Variants in LHX8 observed in about 807,000 individuals in gnomAD.
LHX8 encodes LIM/homeobox protein Lhx8.
A neutral mutation model predicts 40.3 loss-of-function variants in LHX8; 12 were observed. The ratio of observed to expected loss-of-function variants is 0.30; its 90% CI spans 0.19 to 0.48. The LOEUF is 0.48. LHX8 is among the 20% of genes least tolerant of loss of function. The pLI is 0.99. For missense variants in LHX8, 344 were observed against 433.7 expected, an observed-to-expected ratio of 0.79 and a Z score of 1.84; for synonymous variants, 179 against 162.0, an observed-to-expected ratio of 1.10 and a Z score of -0.80.
At chr1:75,191,605 A>G in the LHX8 span, among the ~76,000 whole-genome samples, 1 of 152,206 alleles carries the variant, frequency 6.6e-6, no homozygotes, top group South Asian at 2.1e-4. Context: ...AAAGCCAAAA[A>G]AGGGAAAACA....
At chr1:75,155,389 C>T (rs898938304) in intron 7 of LHX8, among the ~76,000 whole-genome samples, 4 of 152,054 alleles carry the variant, frequency 2.6e-5, no homozygotes, top group East Asian at 1.9e-4. Context: ...CACCCGCCAC[C>T]ATGCCTGGCT....
At chr1:75,185,250 T>A in the LHX8 span, among the ~76,000 whole-genome samples, 7 of 151,958 alleles carry the variant, frequency 4.6e-5, no homozygotes, top group Non-Finnish European at 7.4e-5. Context: ...CCTCATCTCA[T>A]ATGAGGCCAA....
chr1:75,129,532 C>T (rs904283200), upstream of LHX8, among the ~76,000 whole-genome samples: 2 of 152,016 alleles, frequency 1.3e-5, no homozygotes, highest in Non-Finnish European at 2.9e-5. Flanking sequence ...GGGCGGTCGG[C>T]GCAGGCTTGT....
Position 75,157,090 on chromosome 1 carries a change from C to T in LHX8, c.964+14C>T, listed in dbSNP as rs1648790720. On this transcript the variant is annotated intron_variant, in intron 8 of 8. Coordinates refer to ENST00000356261, the MANE Select transcript of LHX8 (RefSeq NM_001256114.2). ...GTTATATGGATGGTAGGTATCCCAA[C>T]ATTTAACAGCTGTCTCCCAGGCAAT... is the stretch of plus-strand genomic sequence containing the variant. 6.2e-7 allele frequency: 1 copy of T among 1,613,210 alleles called. No homozygotes were observed. Among genetic ancestry groups the T allele is most frequent in the African/African-American group, 1.3e-5 (1 of 75,020 alleles).
chr1:75,149,682 G>A (rs887504761), intron 7 of LHX8, among the ~76,000 whole-genome samples: 21 of 152,134 alleles, frequency 1.4e-4, no homozygotes, highest in Admixed American at 1.3e-3. Flanking sequence ...CAAATAACTG[G>A]GACCACAGTT....
chr1:75,184,866 C>A, the LHX8 span, among the ~76,000 whole-genome samples: 1 of 143,170 alleles, frequency 7.0e-6, no homozygotes. Flanking sequence ...ATTAGCTAAA[C>A]TAATAAGAAG....
At chr1:75,142,707 T>A (rs1316048284) in intron 4 of LHX8, among the ~76,000 whole-genome samples, 1 of 152,206 alleles carries the variant, frequency 6.6e-6, no homozygotes, top group Non-Finnish European at 1.5e-5. Flanking sequence ...ATTATTTATA[T>A]CTTCAGTTTT....
intron 8 of LHX8, chr1:75,159,939 C>G (rs1456737450): frequency 3.9e-5 from 6 of 152,228 alleles, no homozygotes; most frequent in Non-Finnish European, 1.5e-5. Context: ...ACAAATGAAT[C>G]CCTGTTTTGT....
rs376772505 is a variant in LHX8, at chr1:75,136,633, C to A, written c.19C>A (p.Arg7=). The A allele has an allele frequency of 1.3e-6, 2 of 1,549,654 alleles. No homozygotes were observed. Among genetic ancestry groups the A allele is most frequent in the South Asian group, 1.2e-5 (1 of 84,060 alleles). Residue 7 remains arginine (R), a synonymous_variant, in exon 2 of 9, where the codon CGG becomes AGG. Coordinates refer to ENST00000356261, the MANE Select transcript of LHX8 (RefSeq NM_001256114.2). ...GGGGCTCATGTCAGAGGAGTGCGGG[C>A]GGACTACAGCCCTGGCGGCCGGGAG... The part of the protein sequence containing the change: MSEECG[R]TTALAAGRTR...
chr1:75,178,664 C>CT, the LHX8 span, among the ~76,000 whole-genome samples: 1 of 152,150 alleles, frequency 6.6e-6, no homozygotes, highest in Admixed American at 6.5e-5. Flanking sequence ...TTCTGTGTCT[C>CT]TATCTCCTTC....
the LHX8 span, among the ~76,000 whole-genome samples, chr1:75,191,729 A>G: frequency 6.6e-6 from 1 of 152,234 alleles, no homozygotes; most frequent in East Asian, 1.9e-4. Context: ...ATTAGAAATG[A>G]CCTAAAGATA....
At chr1:75,152,982 T>A (rs1050801008) in intron 7 of LHX8, among the ~76,000 whole-genome samples, 4 of 152,248 alleles carry the variant, frequency 2.6e-5, no homozygotes, top group Non-Finnish European at 5.9e-5. Context: ...TATTTATTAA[T>A]CCTATCTGTC....
At chr1:75,140,641 G>T (rs180881708) in intron 3 of LHX8, among the ~76,000 whole-genome samples, 3 of 152,190 alleles carry the variant, frequency 2.0e-5, no homozygotes, top group Admixed American at 2.0e-4. Context: ...AAAAAAACCT[G>T]TATGTAGGAC....
At chr1:75,136,546 G>C (rs1012605472) in intron 1 of LHX8, 57 bp from the exon 2 acceptor site, 2 of 1,290,668 alleles carry the variant, frequency 1.5e-6, no homozygotes, top group Non-Finnish European at 2.2e-6. Flanking sequence ...GGGGCGGGCA[G>C]CACGCTCGGA....
chr1:75,169,451 CAAG>C, the LHX8 span, among the ~76,000 whole-genome samples: 1 of 152,134 alleles, frequency 6.6e-6, no homozygotes, highest in Non-Finnish European at 1.5e-5. Flanking sequence ...AACCCTACGT[CAAG>C]AAGTGGTGGC....
rs1002399106 is a variant in LHX8 at position 75,139,469 on chromosome 1, TG to T, written c.238-1513del. On this transcript the variant is annotated intron_variant, in intron 3 of 8. Coordinates refer to ENST00000356261, the MANE Select transcript of LHX8 (RefSeq NM_001256114.2). ...TTAAAAACAAAACAAAACAAAATCC[TG>T]GGTAAGATTGAAATACAGAAGGCCC... 8.1e-4 allele frequency among the ~76,000 whole-genome samples: 123 copies of T among 152,182 alleles called. 1 individual carries two copies. The highest frequency in any genetic ancestry group is 2.7e-3 in the African/African-American group (113 of 41,570).
chr1:75,192,153 C>G, the LHX8 span, among the ~76,000 whole-genome samples: 1 of 152,132 alleles, frequency 6.6e-6, no homozygotes, highest in Non-Finnish European at 1.5e-5. Context: ...ACATCTGGAA[C>G]AGTGAGTGGC....
At chr1:75,166,208 A>G (rs1392687331), downstream of LHX8, among the ~76,000 whole-genome samples, 4 of 152,224 alleles carry the variant, frequency 2.6e-5, no homozygotes, top group Non-Finnish European at 4.4e-5. Context: ...TGGAGCATCT[A>G]TGCTGCTAAT....
chr1:75,150,918 G>A (rs936881772), intron 7 of LHX8, among the ~76,000 whole-genome samples: 5 of 151,762 alleles, frequency 3.3e-5, no homozygotes, highest in Non-Finnish European at 5.9e-5. Flanking sequence ...CTTGTGATCC[G>A]CCCGCCTCAG....
Sources: gnomAD v4.1 joint callset for allele counts (sites outside exome capture counted in the v4.1 genomes callset) on GRCh38, gnomAD v4.1.1 for gene constraint, MANE v1.5 for transcripts, NCBI Gene and HGNC (gene_info 2026-07-23, HGNC 2026-07-21) for gene names.